Variants in CSMD1 observed in about 807,000 individuals in gnomAD.
The protein encoded by CSMD1 is CUB and sushi domain-containing protein 1.
CSMD1 carries 213 observed loss-of-function variants against 417.5 expected under a neutral mutation model. The observed-to-expected ratio is 0.51, with a 90% CI of 0.46 to 0.57. The LOEUF (loss-of-function observed/expected upper bound fraction) is 0.57, where lower values mean the gene tolerates loss of function less well. Ranked by LOEUF, CSMD1 falls within the 20% of genes least tolerant of loss-of-function variation. The pLI is 0.00. For missense variants in CSMD1, 6,923 were observed against 4,529.7 expected, an observed-to-expected ratio of 1.53 and a Z score of -15.17; for synonymous variants, 2,862 against 1,736.8, an observed-to-expected ratio of 1.65 and a Z score of -16.11.
intron 41 of CSMD1, among the ~76,000 whole-genome samples, chr8:3,141,746 C>T (rs1818496005): frequency 6.6e-6 from 1 of 152,042 alleles, no homozygotes; most frequent in Admixed American, 6.6e-5. Flanking sequence ...GATTCCATCT[C>T]CAACCTGACC....
At chr8:4,964,952 T>C (rs1449120416) in intron 1 of CSMD1, among the ~76,000 whole-genome samples, 2 of 152,330 alleles carry the variant, frequency 1.3e-5, no homozygotes, top group Non-Finnish European at 2.9e-5. Flanking sequence ...TCTTTGCATA[T>C]GTACTTGCTA....
intron 2 of CSMD1, among the ~76,000 whole-genome samples, chr8:4,556,068 T>C (rs796910880): frequency 4.3e-4 from 65 of 152,172 alleles, no homozygotes; most frequent in African/African-American, 1.5e-3. Context: ...AGTTTAAATT[T>C]CTCGAATTTA....
chr8:3,120,092 A>G (rs933161580), intron 41 of CSMD1, among the ~76,000 whole-genome samples: 6 of 152,174 alleles, frequency 3.9e-5, no homozygotes, highest in African/African-American at 1.4e-4. Flanking sequence ...AGGAAACAGT[A>G]TATTATTATG....
intron 3 of CSMD1, among the ~76,000 whole-genome samples, chr8:4,339,564 A>T (rs1800360161): frequency 6.6e-6 from 1 of 152,118 alleles, no homozygotes; most frequent in Non-Finnish European, 1.5e-5. Context: ...TTCATAAATA[A>T]CTTTCGGTTG....
chr8:4,072,490 G>C (rs1298895640), intron 3 of CSMD1, among the ~76,000 whole-genome samples: 1 of 152,142 alleles, frequency 6.6e-6, no homozygotes, highest in Non-Finnish European at 1.5e-5. Context: ...AGGGAATTGT[G>C]ACTATAATCC....
Position 4,868,837 on chromosome 8 carries a change from T to C in CSMD1, c.85+125495A>G, listed in dbSNP as rs114177315. On this transcript the variant is annotated intron_variant, in intron 1 of 69. Coordinates refer to ENST00000635120, the MANE Select transcript of CSMD1 (RefSeq NM_033225.6). ...GTGCTGTATCAGCTCCTCTACAAAA[T>C]AGAAATTGATAACCAATTTCAGATG... Among the ~76,000 whole-genome samples, 1,408 of 151,836 alleles carry C rather than the reference T, an allele frequency of 9.3e-3. 40 individuals carry two copies. Among genetic ancestry groups the C allele is most frequent in the African/African-American group, 0.032 (1,318 of 41,364 alleles).
intron 7 of CSMD1, among the ~76,000 whole-genome samples, chr8:3,681,443 T>C (rs936510949): frequency 2.6e-5 from 4 of 151,990 alleles, no homozygotes; most frequent in Admixed American, 6.6e-5. Context: ...TTGACAATTG[T>C]TTCAAAGAGA....
intron 2 of CSMD1, among the ~76,000 whole-genome samples, chr8:4,425,670 C>T (rs1386254370): frequency 1.4e-5 from 2 of 145,170 alleles, no homozygotes; most frequent in African/African-American, 5.2e-5. Flanking sequence ...TGAGGAATCC[C>T]TGCTTCTTAT....
chr8:4,435,993 A>G (rs1049528112), intron 2 of CSMD1, among the ~76,000 whole-genome samples: 1 of 152,182 alleles, frequency 6.6e-6, no homozygotes, highest in African/African-American at 2.4e-5. Context: ...TGTCACAAAC[A>G]TATTGAATTA....
intron 3 of CSMD1, among the ~76,000 whole-genome samples, chr8:4,342,544 T>G (rs1455748629): frequency 3.3e-5 from 5 of 151,994 alleles, no homozygotes; most frequent in South Asian, 4.1e-4. Context: ...TGTATGACAT[T>G]TGCCCAGTAA....
chr8:4,387,488 C>G (rs533133292), intron 3 of CSMD1, among the ~76,000 whole-genome samples: 33 of 134,244 alleles, frequency 2.5e-4, no homozygotes, highest in Middle Eastern at 4.1e-3. Flanking sequence ...TCATATCATA[C>G]TTGCATAATT....
rs144443937 is a variant in CSMD1, at chr8:3,205,093, C to T, written c.4984+411G>A. 6.0e-3 allele frequency among the ~76,000 whole-genome samples: 909 copies of T among 152,238 alleles called. 3 individuals are homozygous for T. The highest frequency in any genetic ancestry group is 0.024 in the South Asian group (115 of 4,818). On this transcript the variant is annotated intron_variant, in intron 31 of 69. Transcript: ENST00000635120. ...GGTTGACTCAAGGATGCAGTGATTT[C>T]GATCATGATCTGGTTACTGAGTTCA... is the stretch of plus-strand genomic sequence containing the variant.
intron 6 of CSMD1, among the ~76,000 whole-genome samples, chr8:3,711,304 T>A (rs531834994): frequency 6.6e-6 from 1 of 152,138 alleles, no homozygotes; most frequent in Admixed American, 6.5e-5. Context: ...GATCCTGGCA[T>A]TGACTCTTGT....
At chr8:3,747,150 G>C (rs559699108) in intron 6 of CSMD1, among the ~76,000 whole-genome samples, 4 of 152,324 alleles carry the variant, frequency 2.6e-5, no homozygotes, top group African/African-American at 4.8e-5. Context: ...GAGCACAGCA[G>C]CCTGTACTCA....
Position 2,973,316 on chromosome 8 carries a change from C to T in CSMD1, c.8741-17G>A. The T allele has an allele frequency of 1.2e-6, 2 of 1,611,064 alleles. No individual in the cohort carries two copies. The highest frequency in any genetic ancestry group is 1.7e-6 in the Non-Finnish European group (2 of 1,177,952). ...GATTATTTCCTATTGAAAACAAACACATACGGCAATCCACAATTGTGTTAG... is the reference window on the plus strand; with the variant it reads ...GATTATTTCCTATTGAAAACAAACATATACGGCAATCCACAATTGTGTTAG... On this transcript the variant is annotated splice_polypyrimidine_tract_variant and intron_variant, in intron 56 of 69. Transcript: ENST00000635120.
At chr8:3,379,862 C>G (rs1415921817) in intron 18 of CSMD1, among the ~76,000 whole-genome samples, 1 of 152,002 alleles carries the variant, frequency 6.6e-6, no homozygotes. Context: ...ACTAAAACAC[C>G]AAAAAGCAAT....
At chr8:4,785,650 T>C (rs531127759) in intron 1 of CSMD1, among the ~76,000 whole-genome samples, 2 of 152,260 alleles carry the variant, frequency 1.3e-5, no homozygotes, top group East Asian at 1.9e-4. Context: ...TCCCAGACTT[T>C]GCTTTTAGAG....
chr8:3,818,523 G>C (rs1293445661), intron 5 of CSMD1, among the ~76,000 whole-genome samples: 2 of 152,240 alleles, frequency 1.3e-5, no homozygotes, highest in East Asian at 3.9e-4. Context: ...GATTAGACCA[G>C]GGTAGGCTTA....
chr8:3,277,732 G>C (rs544878601), intron 26 of CSMD1, among the ~76,000 whole-genome samples: 1 of 152,182 alleles, frequency 6.6e-6, no homozygotes, highest in East Asian at 1.9e-4. Flanking sequence ...AAGAAGGCAG[G>C]TGGACACTCA....
Sources: gnomAD v4.1 joint callset for allele counts (sites outside exome capture counted in the v4.1 genomes callset) on GRCh38, gnomAD v4.1.1 for gene constraint, MANE v1.5 for transcripts, NCBI Gene and HGNC (gene_info 2026-07-23, HGNC 2026-07-21) for gene names.